The following EYA2 variants were observed in gnomAD, a reference collection of about 807,000 sequenced individuals.
The protein encoded by EYA2 is protein phosphatase EYA2.
In EYA2, 31 loss-of-function variants were observed where a neutral mutation model predicts 69.2. The ratio of observed to expected loss-of-function variants is 0.45; its 90% CI spans 0.34 to 0.60. EYA2 has a LOEUF of 0.60. EYA2 is among the 20% of genes least tolerant of loss of function. The pLI, the probability that EYA2 is intolerant of heterozygous loss-of-function variation, is 0.02. For missense variants in EYA2, 622 were observed against 701.2 expected (o/e 0.89, Z 1.28); for synonymous variants, 257 against 279.4 (o/e 0.92, Z 0.80).
chr20:47,065,526 T>A (rs1243991202), intron 5 of EYA2, among the ~76,000 whole-genome samples: 1 of 152,078 alleles, frequency 6.6e-6, no homozygotes, highest in Non-Finnish European at 1.5e-5. Context: ...AAAAGAACCC[T>A]GGCGAAGGGT....
chr20:47,166,092 T>A (rs2034180098), intron 10 of EYA2, among the ~76,000 whole-genome samples: 1 of 151,786 alleles, frequency 6.6e-6, no homozygotes. Context: ...AAAGCTTATA[T>A]TCTCAAAGAT....
intron 1 of EYA2, among the ~76,000 whole-genome samples, chr20:46,922,966 TAAGAA>T (rs1985246328): frequency 6.6e-6 from 1 of 152,124 alleles, no homozygotes; most frequent in South Asian, 2.1e-4. Flanking sequence ...CCGAATCTAA[TAAGAA>T]AAGAGCAGAC....
rs1300470066 is a variant in EYA2 at position 46,946,931 on chromosome 20, C to T, written c.-10-43070C>T. Among the ~76,000 whole-genome samples the T allele has an allele frequency of 5.9e-5, 9 of 152,298 alleles. No individual in the cohort carries two copies. The East Asian group carries it at 1.5e-3, about 26-fold the overall frequency. On this transcript the variant is annotated intron_variant, in intron 1 of 15. Coordinates refer to ENST00000327619, the MANE Select transcript of EYA2 (RefSeq NM_005244.5). ...AGAGCGTGAGTTGGCAAACTGAGGC[C>T]AACAGCTCAAACCTGGCCAGTTGCC...
chr20:47,058,904 A>G (rs145893861), intron 5 of EYA2, among the ~76,000 whole-genome samples: 490 of 152,348 alleles, frequency 3.2e-3, no homozygotes, highest in African/African-American at 0.011. Flanking sequence ...GGTCTTAACA[A>G]CTTAATGCTG....
At chr20:46,961,966 A>G (rs576047004) in intron 1 of EYA2, among the ~76,000 whole-genome samples, 5 of 152,350 alleles carry the variant, frequency 3.3e-5, no homozygotes, top group African/African-American at 9.6e-5. Flanking sequence ...TAGGATGACT[A>G]CAACTAACAA....
At chr20:47,142,468 TG>T (rs546696855) in intron 9 of EYA2, among the ~76,000 whole-genome samples, 15 of 152,278 alleles carry the variant, frequency 9.9e-5, no homozygotes, top group Non-Finnish European at 2.2e-4. Flanking sequence ...TGACTTCGTT[TG>T]TATAATGGCT....
At position 47,055,311 on chromosome 20, in the gene EYA2, C is replaced by T. The variant is rs979097002; in HGVS notation, c.416-16874C>T. 8.5e-5 allele frequency among the ~76,000 whole-genome samples: 13 copies of T among 152,300 alleles called. No homozygotes were observed. The South Asian group carries it at 2.5e-3, about 29-fold the overall frequency. Reference sequence around the variant, plus strand: ...AGAAACTCTGGTCTTTATGGGTTACCATTCCCGAGGAGATCCTCTGCAGGA... The same window carrying T: ...AGAAACTCTGGTCTTTATGGGTTACTATTCCCGAGGAGATCCTCTGCAGGA... On this transcript the variant is annotated intron_variant, in intron 5 of 15. Coordinates refer to ENST00000327619, the MANE Select transcript of EYA2 (RefSeq NM_005244.5).
intron 9 of EYA2, 57 bp from the exon 10 acceptor site, chr20:47,143,002 T>G: frequency 6.6e-7 from 1 of 1,521,200 alleles, no homozygotes; most frequent in Non-Finnish European, 9.1e-7. Flanking sequence ...ACCAAAAGGG[T>G]AGCTAAGATT....
intron 10 of EYA2, among the ~76,000 whole-genome samples, chr20:47,150,898 C>G (rs889861772): frequency 3.5e-4 from 53 of 151,946 alleles, no homozygotes; most frequent in Admixed American, 2.0e-3. Flanking sequence ...GGCAAGGGAG[C>G]CTGGGAAATG....
intron 1 of EYA2, among the ~76,000 whole-genome samples, chr20:46,979,186 C>G (rs930644869): frequency 1.3e-5 from 2 of 152,194 alleles, no homozygotes; most frequent in Non-Finnish European, 2.9e-5. Context: ...AGGTGAGCGG[C>G]CCACCCGCCT....
At chr20:46,949,810 G>A (rs1406134977) in intron 1 of EYA2, among the ~76,000 whole-genome samples, 1 of 152,236 alleles carries the variant, frequency 6.6e-6, no homozygotes, top group East Asian at 1.9e-4. Flanking sequence ...AAGAGTGGAA[G>A]CACATTGCTT....
chr20:47,095,213 G>T (rs34587416), intron 8 of EYA2, among the ~76,000 whole-genome samples: 5,440 of 151,978 alleles, frequency 0.036, 130 homozygotes, highest in Non-Finnish European at 0.059. Flanking sequence ...AAAAGTTATT[G>T]GAAATCTTTT....
intron 7 of EYA2, among the ~76,000 whole-genome samples, chr20:47,084,784 C>G (rs909961852): frequency 6.6e-6 from 1 of 151,834 alleles, no homozygotes; most frequent in African/African-American, 2.4e-5. Flanking sequence ...CTCTCATCCA[C>G]TGCTGGAAAA....
intron 10 of EYA2, among the ~76,000 whole-genome samples, chr20:47,153,318 G>T (rs138585597): frequency 6.3e-4 from 96 of 152,024 alleles, no homozygotes; most frequent in African/African-American, 2.3e-3. Flanking sequence ...AGGATGAAGC[G>T]TAGGTTTGTG....
At chr20:47,030,124 C>G (rs546403276) in intron 5 of EYA2, among the ~76,000 whole-genome samples, 2 of 152,262 alleles carry the variant, frequency 1.3e-5, no homozygotes, top group African/African-American at 4.8e-5. Context: ...TGGCTGAGCT[C>G]TGTGTTCTAG....
At chr20:47,147,708 G>A (rs1027638422) in intron 10 of EYA2, among the ~76,000 whole-genome samples, 4 of 152,156 alleles carry the variant, frequency 2.6e-5, no homozygotes, top group Non-Finnish European at 5.9e-5. Flanking sequence ...GCAGGCATCC[G>A]CATTAAATCA....
At position 47,188,441 on chromosome 20, in the gene EYA2, T is replaced by G. The variant is rs562430291; in HGVS notation, c.*308T>G. The G allele has an allele frequency of 2.6e-4, 144 of 560,324 alleles. 2 individuals are homozygous for G. The South Asian group carries it at 3.5e-3, about 14-fold the overall frequency. The allele number at this position is 560,324 out of a possible 1,614,324, so 34.7% of individuals were successfully genotyped here. A position where few individuals can be genotyped will look rare whatever the true frequency, so the allele number is the denominator to read the frequency against. On this transcript the variant is annotated 3_prime_UTR_variant, in exon 16 of 16. Transcript: ENST00000327619. ...TGCTGATTTGGGGGGTGCCTGGTGA[T>G]GAGGAGGGGATGGGTTTGTCTTGTC...
At chr20:47,096,703 C>T (rs941394787) in intron 8 of EYA2, among the ~76,000 whole-genome samples, 1 of 152,132 alleles carries the variant, frequency 6.6e-6, no homozygotes, top group African/African-American at 2.4e-5. Context: ...ACCAGACTTG[C>T]TAAAAACAGA....
At chr20:47,156,127 CATATATATATATAT>C (rs752111640) in intron 10 of EYA2, among the ~76,000 whole-genome samples, 199 of 14,282 alleles carry the variant, frequency 0.014, no homozygotes, top group Non-Finnish European at 0.017. Context: ...CACACACACA[CATATATATATATAT>C]ATATATATAT....
Sources: allele counts gnomAD v4.1 joint callset (sites outside exome capture counted in the v4.1 genomes callset), GRCh38; gene constraint gnomAD v4.1.1; transcripts MANE v1.5; gene names NCBI Gene and HGNC (gene_info 2026-07-23, HGNC 2026-07-21).